The following SHLD1 variants were observed in gnomAD, a reference collection of about 807,000 sequenced individuals.
The protein encoded by SHLD1 is shieldin complex subunit 1, also known as RINN1-REV7-interacting novel NHEJ regulator 3.
A neutral mutation model predicts 5.5 loss-of-function variants in SHLD1; 3 were observed. That is an observed-to-expected ratio of 0.54 (90% CI 0.25 to 1.40). The LOEUF (loss-of-function observed/expected upper bound fraction) is 1.40. SHLD1 is among the 40% of genes most tolerant of loss of function. The pLI is 0.15. For missense variants in SHLD1, 210 were observed against 244.4 expected, an observed-to-expected ratio of 0.86 and a Z score of 0.94; for synonymous variants, 92 against 94.3, an observed-to-expected ratio of 0.98 and a Z score of 0.14.
intron 2 of SHLD1, among the ~76,000 whole-genome samples, chr20:5,816,089 G>GAAAAAAAAAAAAAAAAAA (rs141881349): frequency 9.3e-5 from 8 of 86,262 alleles, no homozygotes; most frequent in Non-Finnish European, 1.2e-4. Flanking sequence ...TCAAAAAAAC[G>GAAAAAAAAAAAAAAAAAA]AAAAAAAAAA....
At chr20:5,774,764 G>C (rs767166245) in intron 2 of SHLD1, among the ~76,000 whole-genome samples, 2 of 152,130 alleles carry the variant, frequency 1.3e-5, no homozygotes, top group Non-Finnish European at 2.9e-5. Flanking sequence ...CTCCCACCAG[G>C]CCCCACTTCC....
intron 2 of SHLD1, among the ~76,000 whole-genome samples, chr20:5,795,796 A>G (rs1371020960): frequency 6.6e-6 from 1 of 151,634 alleles, no homozygotes; most frequent in Non-Finnish European, 1.5e-5. Context: ...CCTGGCTAAC[A>G]CGGTGAAACC....
At chr20:5,821,502 ACT>A (rs1600155272) in intron 2 of SHLD1, among the ~76,000 whole-genome samples, 1 of 152,150 alleles carries the variant, frequency 6.6e-6, no homozygotes. Context: ...ACAGAGCATG[ACT>A]CTATCTCAAA....
intron 1 of SHLD1, among the ~76,000 whole-genome samples, chr20:5,762,971 C>CAAAA (rs561487362): frequency 2.9e-5 from 3 of 102,720 alleles, no homozygotes; most frequent in South Asian, 3.3e-4. Flanking sequence ...GACTCCGTCT[C>CAAAA]AAAAAAAAAA....
At chr20:5,832,806 A>G (rs532254135) in intron 2 of SHLD1, among the ~76,000 whole-genome samples, 1 of 19,578 alleles carries the variant, frequency 5.1e-5, no homozygotes, top group African/African-American at 1.1e-4. Context: ...ATAATAAATA[A>G]ATAAATAAAT....
chr20:5,764,744 G>A (rs1048029985), intron 1 of SHLD1, among the ~76,000 whole-genome samples: 8 of 152,172 alleles, frequency 5.3e-5, no homozygotes, highest in Non-Finnish European at 1.0e-4. Context: ...TTGATGAGTG[G>A]GTAGAAAGTT....
chr20:5,824,488 T>G (rs1713007375), intron 2 of SHLD1, among the ~76,000 whole-genome samples: 1 of 152,240 alleles, frequency 6.6e-6, no homozygotes, highest in African/African-American at 2.4e-5. Context: ...TTGTCTCTCT[T>G]GTTCACTCCT....
chr20:5,773,194 A>G, intron 2 of SHLD1, 151 bp downstream of exon 2: 1 of 877,984 alleles, frequency 1.1e-6, no homozygotes, highest in Non-Finnish European at 1.9e-6. Context: ...CAAAGCTTTC[A>G]GGAGGAACTT....
In SHLD1 at chr20:5,863,306, G is replaced by C. The variant is rs41282138; in HGVS notation, c.461G>C (p.Arg154Pro). 6.2e-7 allele frequency: 1 copy of C among 1,614,024 alleles called. No individual in the cohort carries two copies. The highest frequency in any genetic ancestry group is 2.2e-5 in the East Asian group (1 of 44,892). Reference protein sequence around the residue: ...SFQMARVIFNRDGCSVLQRHS... With the variant: ...SFQMARVIFNPDGCSVLQRHS... The stretch of plus-strand genomic sequence containing the variant: ...CAAATGGCCCGGGTGATCTTCAACC[G>C]GGACGGCTGCTCCGTCTTACAGAGG... Residue 154 changes from arginine (R) to proline (P), a missense_variant, in exon 3 of 3, where the codon CGG becomes CCG. By Grantham distance (103) the Arg-to-Pro change is moderately radical. Transcript: ENST00000303142.
chr20:5,753,228 A>G (rs1201233358), intron 1 of SHLD1, among the ~76,000 whole-genome samples: 1 of 152,226 alleles, frequency 6.6e-6, no homozygotes, highest in Non-Finnish European at 1.5e-5. Context: ...ACAAGATTTT[A>G]TGGTCTGTAG....
At chr20:5,795,018 C>G (rs577893062) in intron 2 of SHLD1, among the ~76,000 whole-genome samples, 133 of 152,136 alleles carry the variant, frequency 8.7e-4, no homozygotes, top group African/African-American at 3.1e-3. Context: ...GTGGGCAGAT[C>G]ATCTGAGGTC....
At position 5,853,327 on chromosome 20, in the gene SHLD1, T is replaced by C. The variant is rs185363541; in HGVS notation, c.179-9697T>C. ...TGGGTGTGATGGTGCACGCCTGCAG[T>C]CCCAGCTACTCGGGAGGCTGAGGCA... On this transcript the variant is annotated intron_variant, in intron 2 of 2. Coordinates refer to ENST00000303142, the MANE Select transcript of SHLD1 (RefSeq NM_152504.4). Among the ~76,000 whole-genome samples, 162 of 152,220 alleles carry C rather than the reference T, an allele frequency of 1.1e-3. No individual in the cohort carries two copies. The Middle Eastern group carries it at 0.017, about 16-fold the overall frequency.
At chr20:5,768,070 G>A (rs2122225894) in intron 1 of SHLD1, among the ~76,000 whole-genome samples, 1 of 151,622 alleles carries the variant, frequency 6.6e-6, no homozygotes, top group Non-Finnish European at 1.5e-5. Context: ...TGCCTCCCGG[G>A]TTCAAGCAAT....
At chr20:5,798,333 C>A (rs1308981008) in intron 2 of SHLD1, among the ~76,000 whole-genome samples, 1 of 150,602 alleles carries the variant, frequency 6.6e-6, no homozygotes, top group African/African-American at 2.4e-5. Flanking sequence ...GAGACGAAGT[C>A]TTTCTGTCAC....
At chr20:5,834,832 C>T (rs1206215358) in intron 2 of SHLD1, among the ~76,000 whole-genome samples, 1 of 152,154 alleles carries the variant, frequency 6.6e-6, no homozygotes, top group Admixed American at 6.5e-5. Flanking sequence ...CTGGTGAAGA[C>T]CACTTCCTGG....
Position 5,863,776 on chromosome 20 carries a change from C to T in SHLD1, c.*313C>T, listed in dbSNP as rs948131707. 4 of 284,054 alleles carry T rather than the reference C, an allele frequency of 1.4e-5. No individual in the cohort carries two copies. Among genetic ancestry groups the T allele is most frequent in the Admixed American group, 4.8e-5 (1 of 20,750 alleles). 17.6% of individuals were successfully genotyped at this position (284,054 alleles called of 1,614,324 possible). A position where few individuals can be genotyped will look rare whatever the true frequency, so the allele number is the denominator to read the frequency against. On this transcript the variant is annotated 3_prime_UTR_variant, in exon 3 of 3. Coordinates refer to ENST00000303142, the MANE Select transcript of SHLD1 (RefSeq NM_152504.4). ...AGGAGTAATTTATGCTCTAGCACTC[C>T]CTTTCCTCTAGATCGGCCTGAGGCT... is the stretch of plus-strand genomic sequence containing the variant.
At chr20:5,817,221 T>G (rs1600150915) in intron 2 of SHLD1, among the ~76,000 whole-genome samples, 1 of 152,200 alleles carries the variant, frequency 6.6e-6, no homozygotes, top group South Asian at 2.1e-4. Flanking sequence ...TTTTCCTGCT[T>G]CTTCCCATGT....
chr20:5,806,830 G>A lies in SHLD1; in HGVS notation c.178+33787G>A, dbSNP rs1288741141. On this transcript the variant is annotated intron_variant, in intron 2 of 2. Coordinates refer to ENST00000303142, the MANE Select transcript of SHLD1 (RefSeq NM_152504.4). This position sits in a 1 kb window ranked among gnomAD's most constrained non-coding sequence, Gnocchi z 7.6. The stretch of plus-strand genomic sequence containing the variant: ...AAGGGATGTGAACAGAGTGGTGGCA[G>A]TGATGGTTGCCAGCCCTCTGTCACC... 6.6e-6 allele frequency among the ~76,000 whole-genome samples: 1 copy of A among 152,252 alleles called. No individual in the cohort carries two copies. Among genetic ancestry groups the A allele is most frequent in the Non-Finnish European group, 1.5e-5 (1 of 68,050 alleles).
chr20:5,753,886 C>A (rs1180349731), intron 1 of SHLD1, among the ~76,000 whole-genome samples: 2 of 152,196 alleles, frequency 1.3e-5, no homozygotes, highest in Non-Finnish European at 1.5e-5. Context: ...ACCCCCCTCC[C>A]TCTGCATGGG....
Sources: allele counts gnomAD v4.1 joint callset (sites outside exome capture counted in the v4.1 genomes callset), GRCh38; gene constraint gnomAD v4.1.1; non-coding constraint Gnocchi (gnomAD v3.1); transcripts MANE v1.5; gene names NCBI Gene and HGNC (gene_info 2026-07-23, HGNC 2026-07-21).